CNGA4: variants seen among roughly 807,000 people sequenced by gnomAD.
CNGA4 encodes cyclic nucleotide-gated channel alpha-4.
CNGA4 carries 32 observed loss-of-function variants against 45.6 expected under a neutral mutation model. That is an observed-to-expected ratio of 0.70 (90% confidence interval 0.53 to 0.94). The LOEUF is 0.94. Ranked by LOEUF, CNGA4 falls within the 40% of genes least tolerant of loss-of-function variation. The pLI, the probability that CNGA4 is intolerant of heterozygous loss-of-function variation, is 0.00. For synonymous variants in CNGA4, 293 were observed against 304.6 expected (o/e 0.96, Z 0.40); for missense variants, 726 against 755.1 (o/e 0.96, Z 0.45).
chr11:6,242,159 C>T (rs1364940440), intron 5 of CNGA4, among the ~76,000 whole-genome samples: 1 of 152,096 alleles, frequency 6.6e-6, no homozygotes, highest in African/African-American at 2.4e-5. Context: ...TCATTACATT[C>T]CCGCAGCAGT....
upstream of CNGA4, among the ~76,000 whole-genome samples, chr11:6,237,863 C>T (rs555896926): frequency 3.3e-5 from 5 of 152,286 alleles, no homozygotes; most frequent in South Asian, 6.2e-4. Context: ...TCTCTATTGC[C>T]GTTGGGTAAA....
At position 6,240,290 on chromosome 11, in the gene CNGA4, G is replaced by A. The variant is rs1419007917; in HGVS notation, c.496G>A (p.Ala166Thr). ...AGAGACCCGCACAGCTTACCCAAAT[G>A]CCTTTCGCATTGCCAAGCTGATGCT... ...RTETRTAYPN[A>T]FRIAKLMLYI... is the part of the protein sequence containing the mutation. Residue 166 changes from alanine to threonine, a missense_variant, in exon 4 of 6, where the codon GCC becomes ACC. By Grantham distance (58) the Ala-to-Thr change is moderately conservative. Coordinates refer to ENST00000379936, the MANE Select transcript of CNGA4 (RefSeq NM_001037329.4). This position sits in a 1 kb window ranked among gnomAD's most constrained non-coding sequence, Gnocchi z 4.9. 6.2e-7 allele frequency: 1 copy of A among 1,614,096 alleles called. No individual in the cohort carries two copies. The highest frequency in any genetic ancestry group is 8.5e-7 in the Non-Finnish European group (1 of 1,180,040).
chr11:6,244,254 A>T lies in CNGA4; in HGVS notation c.1573A>T (p.Ile525Phe), dbSNP rs1289104318. Residue 525 changes from isoleucine (I) to phenylalanine (F), a missense_variant, in exon 6 of 6, where the codon ATT becomes TTT. Physicochemically the swap from Ile to Phe is conservative, Grantham distance 21. Coordinates refer to ENST00000379936, the MANE Select transcript of CNGA4 (RefSeq NM_001037329.4). This position sits in a 1 kb window ranked among gnomAD's most constrained non-coding sequence, Gnocchi z 4.5. ...LAELESSALK[I>F]AYRIERLEWQ... ...TGAGCTGGAGTCCAGCGCACTTAAG[A>T]TTGCTTACCGCATTGAACGGCTGGA... 4.3e-6 allele frequency: 7 copies of T among 1,614,018 alleles called. No individual in the cohort carries two copies. Among genetic ancestry groups the T allele is most frequent in the Non-Finnish European group, 5.9e-6 (7 of 1,180,028 alleles).
chr11:6,244,969 C>T (rs927338507), downstream of CNGA4, among the ~76,000 whole-genome samples: 5 of 152,202 alleles, frequency 3.3e-5, no homozygotes, highest in Middle Eastern at 3.2e-3. The surrounding 1 kb of genome is among the most constrained non-coding windows in gnomAD (Gnocchi z 4.5). Flanking sequence ...TATTTGCCTC[C>T]TCCCTAAGCA....
chr11:6,239,075 G>T, upstream of CNGA4: 2 of 1,549,874 alleles, frequency 1.3e-6, no homozygotes, highest in Non-Finnish European at 1.7e-6. Context: ...GAGCCCCAAA[G>T]ACAAAGAAGT....
chr11:6,240,236 C>G lies in CNGA4; in HGVS notation c.442C>G (p.Pro148Ala), dbSNP rs752352994. The change falls in exon 4 of 6, where the codon CCC becomes GCC. Residue 148 changes from proline to alanine, a missense_variant. Physicochemically the swap from Pro to Ala is conservative, Grantham distance 27 (BLOSUM62 -1). Coordinates refer to ENST00000379936, the MANE Select transcript of CNGA4 (RefSeq NM_001037329.4). The surrounding 1 kb of genome is among the most constrained non-coding windows in gnomAD (Gnocchi z 4.9). ...TLRLNRFLRA[P>A]RLFEAFDRTE... ...GAGGCTGAACCGCTTTCTCCGCGCG[C>G]CCCGCCTCTTCGAGGCCTTCGACCG... 1.2e-6 allele frequency: 2 copies of G among 1,614,252 alleles called. No individual in the cohort carries two copies. Among genetic ancestry groups the G allele is most frequent in the East Asian group, 4.5e-5 (2 of 44,884 alleles).
chr11:6,240,556 C>T lies in CNGA4; in HGVS notation c.762C>T (p.Ala254=), dbSNP rs774116011. 1.2e-5 allele frequency: 19 copies of T among 1,614,206 alleles called. No homozygotes were observed. The highest frequency in any genetic ancestry group is 2.2e-5 in the South Asian group (2 of 91,092). The change falls in exon 4 of 6, where the codon GCC becomes GCT. Residue 254 remains alanine (A), a synonymous_variant. Coordinates refer to ENST00000379936, the MANE Select transcript of CNGA4 (RefSeq NM_001037329.4). The surrounding 1 kb of genome is among the most constrained non-coding windows in gnomAD (Gnocchi z 4.9). ...YLFMVGDFLL[A]VMGFATIMGS... ...TCATGGTGGGCGACTTCCTGCTGGC[C>T]GTCATGGGTTTCGCCACCATCATGG... is the stretch of plus-strand genomic sequence containing the variant.
chr11:6,239,324 G>A, intron 1 of CNGA4, 56 bp downstream of exon 1: 2 of 1,612,948 alleles, frequency 1.2e-6, no homozygotes, highest in Middle Eastern at 3.3e-4. Flanking sequence ...TGGTGCCCCA[G>A]TCACAACTAC....
At position 6,244,086 on chromosome 11, in the gene CNGA4, C is replaced by T. The variant is rs757932975; in HGVS notation, c.1405C>T (p.Arg469Cys). The T allele has an allele frequency of 1.4e-5, 23 of 1,614,076 alleles. 1 individual carries two copies. Among genetic ancestry groups the T allele is most frequent in the Admixed American group, 1.7e-5 (1 of 60,004 alleles). Reference sequence around the variant, plus strand: ...ACAGACCATCATGGAGGAGAAAGGACGTGAGATCCTGCTGAAAATGAACAA... The same window carrying T: ...ACAGACCATCATGGAGGAGAAAGGATGTGAGATCCTGCTGAAAATGAACAA... Reference protein sequence around the residue: ...QAQTIMEEKGREILLKMNKLD... With the variant: ...QAQTIMEEKGCEILLKMNKLD... The change falls in exon 6 of 6, where the codon CGT (arginine) becomes TGT (cysteine). Residue 469 changes from arginine (R) to cysteine (C), a missense_variant. Arg to Cys is a radical substitution (Grantham distance 180). Transcript: ENST00000379936. This position sits in a 1 kb window ranked among gnomAD's most constrained non-coding sequence, Gnocchi z 4.5.
chr11:6,239,566 T>G (rs1489944795), intron 2 of CNGA4, 81 bp downstream of exon 2: 56 of 1,565,832 alleles, frequency 3.6e-5, no homozygotes, highest in Non-Finnish European at 4.4e-5. Flanking sequence ...AGACCCTTGG[T>G]GGGGCAGGAG....
upstream of CNGA4, among the ~76,000 whole-genome samples, chr11:6,235,938 CAA>C (rs112508509): frequency 1.0e-4 from 11 of 105,552 alleles, no homozygotes; most frequent in Admixed American, 1.0e-4. Context: ...GACTCCGTCT[CAA>C]AAAAAAAAAA....
chr11:6,235,120 G>A (rs1056406352), upstream of CNGA4, among the ~76,000 whole-genome samples: 1 of 152,218 alleles, frequency 6.6e-6, no homozygotes, highest in Non-Finnish European at 1.5e-5. Flanking sequence ...GGAAGAGTGG[G>A]TGTGGAGGGG....
At chr11:6,243,766 G>T (rs181070763) in intron 5 of CNGA4, among the ~76,000 whole-genome samples, 183 bp from the exon 6 acceptor site, 1 of 152,144 alleles carries the variant, frequency 6.6e-6, no homozygotes, top group African/African-American at 2.4e-5. Context: ...ATTTGAGGCA[G>T]GTCACTGATA....
At position 6,239,462 on chromosome 11, in the gene CNGA4, T is replaced by C; in HGVS notation, c.141T>C (p.Tyr47=). 6.2e-7 allele frequency: 1 copy of C among 1,614,190 alleles called. No homozygotes were observed. The highest frequency in any genetic ancestry group is 8.5e-7 in the Non-Finnish European group (1 of 1,180,036). ...ACACAATGGTCTTCCCAGTCATGTA[T>C]AACCTCATCATCCTCGTGTGCAGGT... The part of the protein sequence containing the change: ...WLNTMVFPVM[Y]NLIILVCRAC... The change falls in exon 2 of 6, where the codon TAT becomes TAC. Residue 47 remains tyrosine, a synonymous_variant. Transcript: ENST00000379936.
chr11:6,243,723 C>T (rs1847949077), intron 5 of CNGA4, among the ~76,000 whole-genome samples: 2 of 152,158 alleles, frequency 1.3e-5, no homozygotes, highest in Admixed American at 6.5e-5. Flanking sequence ...ATAACTATTC[C>T]AATATATGTG....
chr11:6,244,482 C>G, downstream of CNGA4: 1 of 1,360,456 alleles, frequency 7.4e-7, no homozygotes. The surrounding 1 kb of genome is among the most constrained non-coding windows in gnomAD (Gnocchi z 4.5). Flanking sequence ...TGCTGCAACT[C>G]TGTCATCCTG....
intron 5 of CNGA4, among the ~76,000 whole-genome samples, chr11:6,243,618 C>A (rs901441049): frequency 2.6e-5 from 4 of 152,206 alleles, no homozygotes; most frequent in African/African-American, 2.4e-5. Flanking sequence ...CCAGACTTCC[C>A]TAAATTCCCT....
upstream of CNGA4, among the ~76,000 whole-genome samples, chr11:6,235,284 G>GC (rs548357765): frequency 1.6e-3 from 247 of 152,298 alleles, 2 homozygotes; most frequent in Middle Eastern, 6.8e-3. Context: ...AGCGGTGACT[G>GC]CCCCTGGCTC....
upstream of CNGA4, chr11:6,235,559 G>T: frequency 1.0e-6 from 1 of 984,558 alleles, no homozygotes; most frequent in Non-Finnish European, 1.2e-6. Flanking sequence ...GGAGGTGACG[G>T]TGTCTAAGCC....
Sources: gnomAD v4.1 joint callset for allele counts (sites outside exome capture counted in the v4.1 genomes callset) on GRCh38, gnomAD v4.1.1 for gene constraint, Gnocchi (gnomAD v3.1) non-coding constraint, MANE v1.5 for transcripts, NCBI Gene and HGNC (gene_info 2026-07-23, HGNC 2026-07-21) for gene names.